Variants in OR2Z1 observed in about 807,000 individuals in gnomAD.
The protein encoded by OR2Z1 is olfactory receptor family 2 subfamily Z member 1, also known as olfactory receptor 2Z1.
For synonymous variants in OR2Z1, 188 were observed against 160.6 expected (o/e 1.17, Z -1.29); for missense variants, 449 against 401.8 (o/e 1.12, Z -1.00).
chr19:8,731,164 CTCT>C lies in OR2Z1; in HGVS notation c.141_143del (p.Phe47del), dbSNP rs2043351614. On this transcript the variant is annotated inframe_deletion, in exon 3 of 3. Coordinates refer to ENST00000641125, the MANE Select transcript of OR2Z1 (RefSeq NM_001004699.3). ...AGGCCTTCTGGGCAACACCGTTCTT[CTCT>C]TCTTGATCCGTGTGGACTCCCGGCT... 7.4e-6 allele frequency: 12 copies of C among 1,613,944 alleles called. No homozygotes were observed. Among genetic ancestry groups the C allele is most frequent in the Middle Eastern group, 1.6e-4 (1 of 6,084 alleles).
Position 8,731,466 on chromosome 19 carries a change from C to A in OR2Z1, c.438C>A (p.Gly146=). The part of the protein sequence containing the change: ...MRRQVCLLMM[G]SSWVVGVLNA... ...GCCAGGTATGTCTGCTGATGATGGG[C>A]TCCTCCTGGGTGGTAGGTGTGCTCA... is the stretch of plus-strand genomic sequence containing the variant. Residue 146 remains glycine, a synonymous_variant, in exon 3 of 3, where the codon GGC becomes GGA. Transcript: ENST00000641125. 6.2e-7 allele frequency: 1 copy of A among 1,614,090 alleles called. No homozygotes were observed. The highest frequency in any genetic ancestry group is 8.5e-7 in the Non-Finnish European group (1 of 1,180,026).
In OR2Z1 at chr19:8,731,162, T is replaced by G. The variant is rs781964495; in HGVS notation, c.134T>G (p.Leu45Arg). 12 of 1,614,126 alleles carry G rather than the reference T, an allele frequency of 7.4e-6. No homozygotes were observed. Among genetic ancestry groups the G allele is most frequent in the Middle Eastern group, 1.6e-4 (1 of 6,062 alleles). Residue 45 changes from leucine to arginine, a missense_variant, in exon 3 of 3, where the codon CTT (leucine) becomes CGT (arginine). Coordinates refer to ENST00000641125, the MANE Select transcript of OR2Z1 (RefSeq NM_001004699.3). ...FVIGLLGNTV[L>R]LFLIRVDSRL... ...ATAGGCCTTCTGGGCAACACCGTTC[T>G]TCTCTTCTTGATCCGTGTGGACTCC... is the stretch of plus-strand genomic sequence containing the variant.
Position 8,730,960 on chromosome 19 carries a change from G to T in OR2Z1, c.-69G>T, listed in dbSNP as rs2043349909. The T allele has an allele frequency of 8.1e-7, 1 of 1,241,020 alleles. No homozygotes were observed. The highest frequency in any genetic ancestry group is 2.0e-5 in the Admixed American group (1 of 49,470). 76.9% of individuals were successfully genotyped at this position (1,241,020 alleles called of 1,614,324 possible). On this transcript the variant is annotated 5_prime_UTR_variant, in exon 3 of 3. Coordinates refer to ENST00000641125, the MANE Select transcript of OR2Z1 (RefSeq NM_001004699.3). ...TTGGCATGTGAGATGAAAATTATTT[G>T]CCACCCCATGCAGGCTTCTTGCCAT...
intron 2 of OR2Z1, among the ~76,000 whole-genome samples, chr19:8,730,395 C>A (rs543798160): frequency 2.0e-5 from 3 of 152,150 alleles, no homozygotes; most frequent in Admixed American, 6.6e-5. Flanking sequence ...AGCATTCCAC[C>A]ATCTATGTGG....
intron 2 of OR2Z1, among the ~76,000 whole-genome samples, chr19:8,727,566 A>T (rs1027030821): frequency 9.9e-5 from 15 of 152,140 alleles, no homozygotes; most frequent in African/African-American, 2.2e-4. Flanking sequence ...ATAATAATAA[A>T]AAAAAACAAC....
chr19:8,724,317 C>T (rs2043319184), intron 2 of OR2Z1, among the ~76,000 whole-genome samples: 1 of 152,012 alleles, frequency 6.6e-6, no homozygotes, highest in Non-Finnish European at 1.5e-5. Flanking sequence ...CTCACTGCAG[C>T]TTCCACCTCC....
At position 8,731,981 on chromosome 19, in the gene OR2Z1, G is replaced by T; in HGVS notation, c.*8G>T. ...CTCAGGCAAATGTGCTGACTACATAGAAACTGCTGGTGAGATTCCAGCGGT... is the reference window on the plus strand; with the variant it reads ...CTCAGGCAAATGTGCTGACTACATATAAACTGCTGGTGAGATTCCAGCGGT... On this transcript the variant is annotated 3_prime_UTR_variant, in exon 3 of 3. Coordinates refer to ENST00000641125, the MANE Select transcript of OR2Z1 (RefSeq NM_001004699.3). 1 of 1,601,592 alleles carries T rather than the reference G, an allele frequency of 6.2e-7. No homozygotes were observed. The highest frequency in any genetic ancestry group is 8.5e-7 in the Non-Finnish European group (1 of 1,170,918).
intron 2 of OR2Z1, among the ~76,000 whole-genome samples, chr19:8,726,360 C>T (rs1350684179): frequency 6.6e-6 from 1 of 152,190 alleles, no homozygotes; most frequent in Non-Finnish European, 1.5e-5. Flanking sequence ...AAGCCACCTC[C>T]ATGATCCAAT....
rs1459177514 is a variant in OR2Z1, at chr19:8,723,116, G to A, written c.-204G>A. On this transcript the variant is annotated 5_prime_UTR_variant, in exon 2 of 3. Coordinates refer to ENST00000641125, the MANE Select transcript of OR2Z1 (RefSeq NM_001004699.3). ...TTTTATTTTTTTCAGATGCATCAAA[G>A]ACAGTGGGACCACCTGGGCACCCTG... 2.6e-5 allele frequency: 4 copies of A among 152,132 alleles called. No individual in the cohort carries two copies. The highest frequency in any genetic ancestry group is 7.2e-5 in the African/African-American group (3 of 41,420). 9.4% of individuals were successfully genotyped at this position (152,132 alleles called of 1,614,324 possible). A position where few individuals can be genotyped will look rare whatever the true frequency, so the allele number is the denominator to read the frequency against.
chr19:8,723,643 G>C (rs1291378414), intron 2 of OR2Z1, among the ~76,000 whole-genome samples: 12 of 144,656 alleles, frequency 8.3e-5, no homozygotes, highest in Non-Finnish European at 1.7e-4. Context: ...ACCAGATAAG[G>C]GTCTGTGAAA....
At chr19:8,724,382 T>C (rs1474247609) in intron 2 of OR2Z1, among the ~76,000 whole-genome samples, 5 of 151,986 alleles carry the variant, frequency 3.3e-5, no homozygotes, top group Non-Finnish European at 7.4e-5. Flanking sequence ...ACTATAAGCA[T>C]GTGCCACCAT....
In OR2Z1 at chr19:8,724,002, G is replaced by A. The variant is rs1014046956; in HGVS notation, c.-170+852G>A. On this transcript the variant is annotated intron_variant, in intron 2 of 2. Coordinates refer to ENST00000641125, the MANE Select transcript of OR2Z1 (RefSeq NM_001004699.3). Reference sequence around the variant, plus strand: ...TGTGTGTGTGTGTGTGTGTGTGTGTGTGTGTGTGTATGTGTGTGTGTGTGT... The same window carrying A: ...TGTGTGTGTGTGTGTGTGTGTGTGTATGTGTGTGTATGTGTGTGTGTGTGT... Among the ~76,000 whole-genome samples the A allele has an allele frequency of 3.2e-3, 375 of 118,216 alleles. 1 individual carries two copies. The highest frequency in any genetic ancestry group is 5.0e-3 in the Non-Finnish European group (299 of 60,036). The allele number at this position is 118,216 out of a possible 152,430, so 77.6% of individuals were successfully genotyped here.
chr19:8,726,296 C>T (rs1411335856), intron 2 of OR2Z1, among the ~76,000 whole-genome samples: 1 of 152,128 alleles, frequency 6.6e-6, no homozygotes, highest in Non-Finnish European at 1.5e-5. Context: ...CCAGATCTCG[C>T]AAGAACTCAC....
intron 2 of OR2Z1, among the ~76,000 whole-genome samples, chr19:8,725,811 T>C (rs555821237): frequency 1.3e-5 from 2 of 152,180 alleles, no homozygotes; most frequent in Non-Finnish European, 2.9e-5. Flanking sequence ...ATAAAGAAAA[T>C]ATGTTTCACT....
In OR2Z1 at chr19:8,731,905, A is replaced by C; in HGVS notation, c.877A>C (p.Arg293=). ...PTLNPLIYSL[R]NPEVWMALVK... Reference sequence around the variant, plus strand: ...ACTCAACCCCCTTATCTACAGTCTGAGGAATCCGGAGGTGTGGATGGCTTT... The same window carrying C: ...ACTCAACCCCCTTATCTACAGTCTGCGGAATCCGGAGGTGTGGATGGCTTT... The change falls in exon 3 of 3, where the codon AGG becomes CGG. Residue 293 remains arginine, a synonymous_variant. Transcript: ENST00000641125. 1 of 1,614,212 alleles carries C rather than the reference A, an allele frequency of 6.2e-7. No individual in the cohort carries two copies. The highest frequency in any genetic ancestry group is 8.5e-7 in the Non-Finnish European group (1 of 1,180,044).
chr19:8,729,360 T>C (rs1275851004), intron 2 of OR2Z1, among the ~76,000 whole-genome samples: 2 of 152,110 alleles, frequency 1.3e-5, no homozygotes, highest in Non-Finnish European at 2.9e-5. Flanking sequence ...TCTGCCTTAA[T>C]TCACTTAGGA....
At chr19:8,729,587 G>T (rs1422538935) in intron 2 of OR2Z1, among the ~76,000 whole-genome samples, 1 of 150,006 alleles carries the variant, frequency 6.7e-6, no homozygotes, top group African/African-American at 2.5e-5. Context: ...TAAATTTTTT[G>T]TAGAGATGGT....
Position 8,731,931 on chromosome 19 carries a change from G to A in OR2Z1, c.903G>A (p.Leu301=). ...SLRNPEVWMA[L]VKVLSRAGLR... Reference sequence around the variant, plus strand: ...GGAATCCGGAGGTGTGGATGGCTTTGGTCAAAGTGCTTAGCAGAGCTGGAC... The same window carrying A: ...GGAATCCGGAGGTGTGGATGGCTTTAGTCAAAGTGCTTAGCAGAGCTGGAC... Residue 301 remains leucine (L), a synonymous_variant, in exon 3 of 3, where the codon TTG becomes TTA. Transcript: ENST00000641125. 2 of 1,614,150 alleles carry A rather than the reference G, an allele frequency of 1.2e-6. No individual in the cohort carries two copies. The highest frequency in any genetic ancestry group is 2.2e-5 in the East Asian group (1 of 44,888).
rs201431397 is a variant in OR2Z1 at position 8,731,262 on chromosome 19, C to T, written c.234C>T (p.Ile78=). The change falls in exon 3 of 3, where the codon ATC becomes ATT. Residue 78 remains isoleucine (I), a synonymous_variant. Transcript: ENST00000641125. ...ACATTGGCTGTCCCATGGTCACCAT[C>T]CCCAAGATGGCATCAGACTTTCTGC... ...LFDIGCPMVT[I]PKMASDFLRG... is the part of the protein sequence containing the mutation. 1.2e-6 allele frequency: 2 copies of T among 1,614,152 alleles called. No individual in the cohort carries two copies. Among genetic ancestry groups the T allele is most frequent in the African/African-American group, 1.3e-5 (1 of 75,024 alleles).
Sources: allele counts gnomAD v4.1 joint callset (sites outside exome capture counted in the v4.1 genomes callset), GRCh38; gene constraint gnomAD v4.1.1; transcripts MANE v1.5; gene names NCBI Gene and HGNC (gene_info 2026-07-23, HGNC 2026-07-21).